CCDC170: variants seen among roughly 807,000 people sequenced by gnomAD.
CCDC170 encodes coiled-coil domain-containing protein 170.
In CCDC170, 69 loss-of-function variants were observed where a neutral mutation model predicts 72.6. The observed-to-expected ratio is 0.95, with a 90% CI of 0.78 to 1.16. The LOEUF is 1.16. Among genes scored for constraint, CCDC170 ranks in the 50% most tolerant of loss-of-function variants. CCDC170 has a pLI of 0.00. For missense variants in CCDC170, 852 were observed against 832.5 expected (o/e 1.02, Z -0.29); for synonymous variants, 300 against 303.9 (o/e 0.99, Z 0.13).
intron 7 of CCDC170, among the ~76,000 whole-genome samples, chr6:151,591,932 GCAACTGGCTAAGTTGCCAGTGA>G (rs1007494926): frequency 1.3e-5 from 2 of 152,084 alleles, no homozygotes; most frequent in African/African-American, 2.4e-5. Context: ...GAGTAAAGTG[GCAACTGGCTAAGTTGCCAGTGA>G]CAACCGGCTA....
chr6:151,511,541 G>A (rs1451523670), intron 1 of CCDC170, among the ~76,000 whole-genome samples: 1 of 152,132 alleles, frequency 6.6e-6, no homozygotes, highest in African/African-American at 2.4e-5. Flanking sequence ...TGGTGCTAAG[G>A]ATAAAAATAT....
intron 7 of CCDC170, among the ~76,000 whole-genome samples, chr6:151,590,599 G>A (rs1296125042): frequency 6.6e-6 from 1 of 152,218 alleles, no homozygotes; most frequent in Non-Finnish European, 1.5e-5. Context: ...ACAGTAGAAT[G>A]CAGTTTCTTA....
At chr6:151,549,318 G>C (rs1411288804) in intron 5 of CCDC170, among the ~76,000 whole-genome samples, 1 of 151,982 alleles carries the variant, frequency 6.6e-6, no homozygotes, top group East Asian at 1.9e-4. Flanking sequence ...TTACAGGTGT[G>C]AGCCACTGTG....
intron 1 of CCDC170, among the ~76,000 whole-genome samples, chr6:151,513,477 G>A (rs1472602116): frequency 6.6e-6 from 1 of 151,770 alleles, no homozygotes; most frequent in Non-Finnish European, 1.5e-5. Context: ...GGGCATGGTG[G>A]TGCACACCTG....
At chr6:151,553,962 C>T (rs1467964472) in intron 5 of CCDC170, among the ~76,000 whole-genome samples, 1 of 151,204 alleles carries the variant, frequency 6.6e-6, no homozygotes, top group African/African-American at 2.4e-5. Context: ...GTAGAAGTAG[C>T]CACAGGACTA....
intron 1 of CCDC170, among the ~76,000 whole-genome samples, chr6:151,526,029 C>T (rs1229992413): frequency 6.6e-6 from 1 of 152,076 alleles, no homozygotes; most frequent in African/African-American, 2.4e-5. Flanking sequence ...ATTTGTTATA[C>T]AGCAAAGAAA....
intron 7 of CCDC170, among the ~76,000 whole-genome samples, chr6:151,590,149 A>G (rs1057132028): frequency 6.6e-6 from 1 of 152,102 alleles, no homozygotes; most frequent in African/African-American, 2.4e-5. Context: ...TTGCTCTCCA[A>G]GCAACATGCA....
At chr6:151,555,204 GT>G (rs1782955583) in intron 5 of CCDC170, among the ~76,000 whole-genome samples, 1 of 151,994 alleles carries the variant, frequency 6.6e-6, no homozygotes, top group South Asian at 2.1e-4. Flanking sequence ...TTTAAAATCT[GT>G]AAAATGGGAA....
At chr6:151,536,480 G>A in intron 2 of CCDC170, 34 bp downstream of exon 2, 1 of 1,609,476 alleles carries the variant, frequency 6.2e-7, no homozygotes, top group East Asian at 2.2e-5. Context: ...TCAGAAATGG[G>A]CCTTCTTAGC....
At chr6:151,560,060 T>C (rs919109087) in intron 5 of CCDC170, among the ~76,000 whole-genome samples, 1 of 151,378 alleles carries the variant, frequency 6.6e-6, no homozygotes, top group African/African-American at 2.5e-5. Context: ...TCTTTCTATG[T>C]TTTTGATGTA....
At chr6:151,585,353 G>C (rs866087361) in intron 6 of CCDC170, among the ~76,000 whole-genome samples, 1 of 152,194 alleles carries the variant, frequency 6.6e-6, no homozygotes, top group Non-Finnish European at 1.5e-5. Context: ...TGTAGAGTCA[G>C]CATCCCTGGA....
chr6:151,590,653 C>A (rs77110159), intron 7 of CCDC170, among the ~76,000 whole-genome samples: 3,117 of 152,220 alleles, frequency 0.02, 110 homozygotes, highest in African/African-American at 0.072. Context: ...ATACAGTAAT[C>A]CTTCATTTCT....
intron 5 of CCDC170, among the ~76,000 whole-genome samples, chr6:151,556,738 A>G (rs557105543): frequency 9.2e-5 from 14 of 152,320 alleles, no homozygotes; most frequent in African/African-American, 3.4e-4. Flanking sequence ...TGTTGGGAAC[A>G]TTTCAAGCCC....
intron 1 of CCDC170, among the ~76,000 whole-genome samples, chr6:151,534,058 T>C (rs181115043): frequency 2.4e-4 from 35 of 146,310 alleles, no homozygotes; most frequent in Middle Eastern, 3.5e-3. Flanking sequence ...GTTCATTCAT[T>C]CATTCATTCC....
intron 9 of CCDC170, among the ~76,000 whole-genome samples, chr6:151,606,412 A>G (rs1293105459): frequency 6.6e-6 from 1 of 151,998 alleles, no homozygotes; most frequent in Non-Finnish European, 1.5e-5. Flanking sequence ...TTTAATTTCC[A>G]TGTATTTGTA....
At chr6:151,526,042 C>A (rs1782402230) in intron 1 of CCDC170, among the ~76,000 whole-genome samples, 1 of 152,042 alleles carries the variant, frequency 6.6e-6, no homozygotes, top group Non-Finnish European at 1.5e-5. Flanking sequence ...CAAAGAAAAG[C>A]AATCATTGCT....
intron 1 of CCDC170, among the ~76,000 whole-genome samples, chr6:151,524,297 A>T (rs1358651885): frequency 6.6e-6 from 1 of 152,050 alleles, no homozygotes; most frequent in African/African-American, 2.4e-5. Context: ...TCATCTGAGG[A>T]CCCACCCTAA....
chr6:151,572,461 C>T (rs1479475394), intron 5 of CCDC170, among the ~76,000 whole-genome samples: 1 of 152,032 alleles, frequency 6.6e-6, no homozygotes, highest in African/African-American at 2.4e-5. Flanking sequence ...AAATAAATTT[C>T]CGTATACACC....
intron 1 of CCDC170, among the ~76,000 whole-genome samples, chr6:151,503,876 T>G (rs1583000225): frequency 6.6e-6 from 1 of 152,278 alleles, no homozygotes; most frequent in African/African-American, 2.4e-5. Flanking sequence ...GAGGTGTGTT[T>G]TTCTCAGTGC....
Sources: gnomAD v4.1 joint callset for allele counts (sites outside exome capture counted in the v4.1 genomes callset) on GRCh38, gnomAD v4.1.1 for gene constraint, MANE v1.5 for transcripts, NCBI Gene and HGNC (gene_info 2026-07-23, HGNC 2026-07-21) for gene names.